Variants in PLEKHM3 observed in about 807,000 individuals in gnomAD.
PLEKHM3 encodes pleckstrin homology domain containing M3.
Under a neutral mutation model 81.8 loss-of-function variants are expected in PLEKHM3, and 45 were observed. The ratio of observed to expected loss-of-function variants is 0.55; its 90% CI spans 0.43 to 0.71. PLEKHM3 has a LOEUF of 0.71. Ranked by LOEUF, PLEKHM3 falls within the 30% of genes least tolerant of loss-of-function variation. The pLI is 0.00. For synonymous variants in PLEKHM3, 352 were observed against 356.4 expected, an observed-to-expected ratio of 0.99 and a Z score of 0.14; for missense variants, 788 against 924.3, an observed-to-expected ratio of 0.85 and a Z score of 1.91.
At chr2:208,010,485 A>C (rs767771234) in intron 1 of PLEKHM3, among the ~76,000 whole-genome samples, 2 of 152,262 alleles carry the variant, frequency 1.3e-5, no homozygotes, top group Non-Finnish European at 2.9e-5. Flanking sequence ...CCTCCATGGC[A>C]GAGAACACTG....
chr2:207,899,358 T>C (rs143126625), intron 6 of PLEKHM3, among the ~76,000 whole-genome samples: 3 of 152,330 alleles, frequency 2.0e-5, no homozygotes, highest in African/African-American at 7.2e-5. Flanking sequence ...AACAGAATCA[T>C]GAGCAGCTTT....
rs1420605579 is a variant in PLEKHM3 at position 207,960,174 on chromosome 2, C to T, written c.1547-13662G>A. Among the ~76,000 whole-genome samples, 4 of 152,324 alleles carry T rather than the reference C, an allele frequency of 2.6e-5. No individual in the cohort carries two copies. In the South Asian group the frequency reaches 8.3e-4, roughly 32 times the overall value. On this transcript the variant is annotated intron_variant, in intron 3 of 7. Coordinates refer to ENST00000427836, the MANE Select transcript of PLEKHM3 (RefSeq NM_001080475.3). ...CTTCTCTCCCCATCCCTTATCCAGC[C>T]CTCCTCACAGATGGGGGAAATTAGG...
chr2:207,980,562 G>A (rs1029960302), intron 2 of PLEKHM3, among the ~76,000 whole-genome samples: 2 of 152,008 alleles, frequency 1.3e-5, no homozygotes, highest in African/African-American at 4.8e-5. Flanking sequence ...CCTAGGAAAT[G>A]GCCTTTTATT....
rs1289621860 is a variant in PLEKHM3 at position 207,825,782 on chromosome 2, C to T, written c.*2537G>A. The T allele has an allele frequency of 6.6e-6, 1 of 152,164 alleles. No homozygotes were observed. The highest frequency in any genetic ancestry group is 1.9e-4 in the East Asian group (1 of 5,204). 9.4% of individuals were successfully genotyped at this position (152,164 alleles called of 1,614,324 possible). A position where few individuals can be genotyped will look rare whatever the true frequency, so the allele number is the denominator to read the frequency against. ...AGGAGTGCTGGACATGGACCCAGCTCTGGGTAGCTGATGGTGATAACACAT... is the reference window on the plus strand; with the variant it reads ...AGGAGTGCTGGACATGGACCCAGCTTTGGGTAGCTGATGGTGATAACACAT... On this transcript the variant is annotated 3_prime_UTR_variant, in exon 8 of 8. Transcript: ENST00000427836.
At chr2:207,997,743 C>A (rs1162297358) in intron 2 of PLEKHM3, among the ~76,000 whole-genome samples, 7 of 152,106 alleles carry the variant, frequency 4.6e-5, no homozygotes, top group Non-Finnish European at 7.3e-5. Context: ...AAATGCTCAC[C>A]AGGCAGTTGG....
Position 207,930,989 on chromosome 2 carries a change from A to G in PLEKHM3, c.1823T>C (p.Leu608Pro). The change falls in exon 5 of 8, where the codon CTG becomes CCG. Residue 608 changes from leucine to proline, a missense_variant. Coordinates refer to ENST00000427836, the MANE Select transcript of PLEKHM3 (RefSeq NM_001080475.3). ...LAAVLRLRQRLKSLRAYLFSC... is the reference protein window; with the variant it reads ...LAAVLRLRQRPKSLRAYLFSC... ...GAACAAATAGGCTCGGAGCGACTTC[A>G]GCCGCTGCCGCAGCCGCAGCACGGC... is the stretch of plus-strand genomic sequence containing the variant. The G allele has an allele frequency of 1.2e-6, 2 of 1,613,730 alleles. No homozygotes were observed. The highest frequency in any genetic ancestry group is 1.7e-6 in the Non-Finnish European group (2 of 1,179,708).
chr2:208,015,250 A>C (rs1692864653), intron 1 of PLEKHM3, among the ~76,000 whole-genome samples: 1 of 152,182 alleles, frequency 6.6e-6, no homozygotes, highest in African/African-American at 2.4e-5. Context: ...TAGAAACAAG[A>C]CTCTAAGATA....
Position 207,976,791 on chromosome 2 carries a change from AGT to A in PLEKHM3, c.1404_1405del (p.Leu469GlufsTer12). ...CATTTGATCCTTGGGTTTGTTCCTC[AGT>A]GTGACTTGCAGGTTTTGCTCTGAAC... On this transcript the variant is annotated frameshift_variant, in exon 3 of 8. Transcript: ENST00000427836. LOFTEE classifies it high-confidence loss of function. The surrounding 1 kb of genome is among the most constrained non-coding windows in gnomAD (Gnocchi z 4.1). 6.2e-7 allele frequency: 1 copy of A among 1,614,202 alleles called. No homozygotes were observed. The highest frequency in any genetic ancestry group is 8.5e-7 in the Non-Finnish European group (1 of 1,180,036).
chr2:207,911,750 T>TA (rs1280354307), intron 5 of PLEKHM3, among the ~76,000 whole-genome samples: 1 of 152,350 alleles, frequency 6.6e-6, no homozygotes, highest in East Asian at 1.9e-4. Flanking sequence ...TGGAGTCCAG[T>TA]AAGCGGGCTG....
At chr2:207,872,887 T>C (rs1186117239) in intron 6 of PLEKHM3, among the ~76,000 whole-genome samples, 1 of 152,070 alleles carries the variant, frequency 6.6e-6, no homozygotes, top group African/African-American at 2.4e-5. Context: ...GAAGTAACTT[T>C]ATTAAAAGGA....
At chr2:207,926,058 C>T (rs1048111315) in intron 5 of PLEKHM3, among the ~76,000 whole-genome samples, 5 of 151,996 alleles carry the variant, frequency 3.3e-5, no homozygotes, top group South Asian at 2.1e-4. Flanking sequence ...CCACCATAAA[C>T]GAATTAAATG....
rs892218521 is a variant in PLEKHM3 at position 207,976,478 on chromosome 2, T to A, written c.1546+173A>T. Among the ~76,000 whole-genome samples, 6 of 152,264 alleles carry A rather than the reference T, an allele frequency of 3.9e-5. No homozygotes were observed. The highest frequency in any genetic ancestry group is 8.8e-5 in the Non-Finnish European group (6 of 68,050). ...AAAGATGGTTGTCCTTATGTTTTAA[T>A]ATAGTAATTTAATATAGGATGTTTT... On this transcript the variant is annotated intron_variant, in intron 3 of 7. Coordinates refer to ENST00000427836, the MANE Select transcript of PLEKHM3 (RefSeq NM_001080475.3). This position sits in a 1 kb window ranked among gnomAD's most constrained non-coding sequence, Gnocchi z 4.1.
chr2:207,879,406 C>G (rs1403793623), intron 6 of PLEKHM3, among the ~76,000 whole-genome samples: 1 of 152,220 alleles, frequency 6.6e-6, no homozygotes, highest in African/African-American at 2.4e-5. Context: ...GAACAGATCA[C>G]TTGTTAAGAA....
intron 2 of PLEKHM3, among the ~76,000 whole-genome samples, chr2:207,998,993 CTT>C (rs879588517): frequency 2.0e-5 from 3 of 146,362 alleles, no homozygotes; most frequent in Non-Finnish European, 1.5e-5. Context: ...CCTTTAATAT[CTT>C]TTTTTTTTTT....
chr2:207,830,482 G>A (rs1418810482), intron 7 of PLEKHM3, among the ~76,000 whole-genome samples: 3 of 151,750 alleles, frequency 2.0e-5, no homozygotes, highest in Admixed American at 6.6e-5. Flanking sequence ...GCGTGGTGAC[G>A]CATGCCTGTA....
At chr2:207,901,909 C>T (rs181714644) in intron 6 of PLEKHM3, among the ~76,000 whole-genome samples, 3 of 152,302 alleles carry the variant, frequency 2.0e-5, no homozygotes, top group East Asian at 3.9e-4. Context: ...AAGGCAGTGC[C>T]GGCTGCAGCG....
rs750955679 is a variant in PLEKHM3, at chr2:207,976,629, A to G, written c.1546+22T>C. 3.8e-6 allele frequency: 6 copies of G among 1,598,196 alleles called. No homozygotes were observed. Among genetic ancestry groups the G allele is most frequent in the African/African-American group, 1.3e-5 (1 of 74,714 alleles). ...TCAGGATTGTTCTTTAATGAGCTATAGGCTGAAAATCTGCTTCATACCTGC... is the reference window on the plus strand; with the variant it reads ...TCAGGATTGTTCTTTAATGAGCTATGGGCTGAAAATCTGCTTCATACCTGC... On this transcript the variant is annotated intron_variant, in intron 3 of 7. Transcript: ENST00000427836. This position sits in a 1 kb window ranked among gnomAD's most constrained non-coding sequence, Gnocchi z 4.1.
intron 1 of PLEKHM3, among the ~76,000 whole-genome samples, chr2:208,010,969 T>C (rs996457059): frequency 1.4e-5 from 2 of 147,688 alleles, no homozygotes; most frequent in Non-Finnish European, 3.0e-5. Context: ...GGCCAATACA[T>C]ATATGAAAAA....
At chr2:207,832,989 G>A (rs2105880935) in intron 7 of PLEKHM3, among the ~76,000 whole-genome samples, 1 of 151,434 alleles carries the variant, frequency 6.6e-6, no homozygotes, top group South Asian at 2.1e-4. Flanking sequence ...GCGTGTGCCT[G>A]TAATCCCAGC....
Sources: gnomAD v4.1 joint callset for allele counts (sites outside exome capture counted in the v4.1 genomes callset) on GRCh38, gnomAD v4.1.1 for gene constraint, Gnocchi (gnomAD v3.1) non-coding constraint, MANE v1.5 for transcripts, NCBI Gene and HGNC (gene_info 2026-07-23, HGNC 2026-07-21) for gene names.